ZNF536: variants seen among roughly 807,000 people sequenced by gnomAD.
ZNF536 encodes zinc finger protein 536.
Under a neutral mutation model 84.5 loss-of-function variants are expected in ZNF536, and 13 were observed. The ratio of observed to expected loss-of-function variants is 0.15; its 90% CI spans 0.10 to 0.24. The LOEUF (loss-of-function observed/expected upper bound fraction) is 0.24. Among genes scored for constraint, ZNF536 ranks in the 10% least tolerant of loss-of-function variants. The pLI, the probability that ZNF536 is intolerant of heterozygous loss-of-function variation, is 1.00. For missense variants in ZNF536, 1,536 were observed against 1,747.5 expected (o/e 0.88, Z 2.16); for synonymous variants, 811 against 742.5 (o/e 1.09, Z -1.50).
chr19:30,246,035 C>T (rs139973564), intron 1 of ZNF536, among the ~76,000 whole-genome samples: 5 of 152,184 alleles, frequency 3.3e-5, no homozygotes, highest in African/African-American at 1.2e-4. Context: ...TGGGCAGAGG[C>T]GTCGTGGAGA....
At chr19:30,346,255 C>T (rs1047159584) in intron 2 of ZNF536, among the ~76,000 whole-genome samples, 14 of 152,110 alleles carry the variant, frequency 9.2e-5, no homozygotes, top group Non-Finnish European at 1.5e-4. Context: ...AGAAGATTTC[C>T]TCGGGAAAAG....
chr19:30,538,906 C>T (rs546424716), intron 3 of ZNF536, among the ~76,000 whole-genome samples: 15 of 152,136 alleles, frequency 9.9e-5, no homozygotes, highest in African/African-American at 3.4e-4. Flanking sequence ...AGAAACAGCA[C>T]CGATAGGAAA....
intron 1 of ZNF536, among the ~76,000 whole-genome samples, chr19:30,700,294 CTCCT>C (rs1176895190): frequency 6.8e-6 from 1 of 147,016 alleles, no homozygotes; most frequent in Non-Finnish European, 1.5e-5. Flanking sequence ...CTCTCCCTCC[CTCCT>C]TCCCTCTCCC....
intron 2 of ZNF536, among the ~76,000 whole-genome samples, chr19:30,516,934 C>G (rs2044103818): frequency 6.6e-6 from 1 of 152,156 alleles, no homozygotes; most frequent in Non-Finnish European, 1.5e-5. Flanking sequence ...GGTGTGGTGA[C>G]AGATCCCAAG....
chr19:30,480,954 G>A (rs541450261), intron 2 of ZNF536, among the ~76,000 whole-genome samples: 7 of 151,642 alleles, frequency 4.6e-5, no homozygotes, highest in Admixed American at 3.3e-4. Context: ...AGAGTCGCCC[G>A]GGAGGCGGAG....
At chr19:30,327,887 A>G (rs1204333792) in intron 2 of ZNF536, among the ~76,000 whole-genome samples, 1 of 152,190 alleles carries the variant, frequency 6.6e-6, no homozygotes, top group Non-Finnish European at 1.5e-5. Context: ...TTAAGGTTGG[A>G]GAACGGGGTT....
chr19:30,711,557 TG>T (rs1317801156), exon 2 of ZNF536: 2 of 152,166 alleles, frequency 1.3e-5, no homozygotes, highest in African/African-American at 4.8e-5. Context: ...ACTGCACTCT[TG>T]GAGAAACCTT....
intron 1 of ZNF536, among the ~76,000 whole-genome samples, chr19:30,248,383 C>T (rs1414628017): frequency 6.8e-6 from 1 of 146,674 alleles, no homozygotes; most frequent in Non-Finnish European, 1.5e-5. Flanking sequence ...ACACCTGCCA[C>T]CATGCCCTGC....
rs149249213 is a variant in ZNF536 at position 30,296,594 on chromosome 19, G to A, written c.-120+12453G>A. ...GGGCTCAGGTCCTGTTTCTGTGGCTGCCATCTCTAACCATGGAAGGCTGGC... is the reference window on the plus strand; with the variant it reads ...GGGCTCAGGTCCTGTTTCTGTGGCTACCATCTCTAACCATGGAAGGCTGGC... On this transcript the variant is annotated intron_variant, in intron 2 of 5. Transcript: ENST00000585628. Among the ~76,000 whole-genome samples the A allele has an allele frequency of 1.4e-3, 214 of 152,298 alleles. 2 individuals are homozygous for A. Among genetic ancestry groups the A allele is most frequent in the Non-Finnish European group, 1.4e-3 (98 of 68,020 alleles).
chr19:30,319,329 A>T (rs1216185898), intron 2 of ZNF536, among the ~76,000 whole-genome samples: 1 of 152,316 alleles, frequency 6.6e-6, no homozygotes, highest in East Asian at 1.9e-4. Context: ...TAATTTTTTT[A>T]AAACAAATAA....
At chr19:30,470,884 C>T (rs145730846) in intron 2 of ZNF536, among the ~76,000 whole-genome samples, 10,241 of 151,922 alleles carry the variant, frequency 0.067, 478 homozygotes, top group Non-Finnish European at 0.098. Context: ...GATGGGGTTT[C>T]ACCATGTTGT....
intron 1 of ZNF536, among the ~76,000 whole-genome samples, chr19:30,401,855 T>C (rs1178669843): frequency 1.3e-5 from 2 of 152,224 alleles, no homozygotes; most frequent in Non-Finnish European, 2.9e-5. Context: ...TATGGGGTTA[T>C]TTTTATCTTT....
intron 1 of ZNF536, among the ~76,000 whole-genome samples, chr19:30,606,229 TAATAAAATAAAATAA>T (rs368491547): frequency 2.1e-5 from 2 of 94,164 alleles, no homozygotes; most frequent in African/African-American, 4.5e-5. Flanking sequence ...TAAAATAAAA[TAATAAAATAAAATAA>T]AATAAAATAA....
At chr19:30,342,659 C>T (rs574255348) in intron 2 of ZNF536, among the ~76,000 whole-genome samples, 1 of 152,238 alleles carries the variant, frequency 6.6e-6, no homozygotes, top group Middle Eastern at 3.4e-3. Context: ...GTTGTAACTA[C>T]CCAGCCTGGG....
In ZNF536 at chr19:30,448,136, A is replaced by G. The variant is rs897478298; in HGVS notation, c.2170+2404A>G. 8.5e-4 allele frequency among the ~76,000 whole-genome samples: 130 copies of G among 152,216 alleles called. 6 individuals carry two copies. Among genetic ancestry groups the G allele is most frequent in the Non-Finnish European group, 5.9e-5 (4 of 68,048 alleles). ...TCATTGAAGTATTTTACAATTGTGA[A>G]TACTGATTCTTTCATTTCTGGTTGA... On this transcript the variant is annotated intron_variant, in intron 2 of 4. Transcript: ENST00000355537.
At chr19:30,463,993 T>C (rs1225852372) in intron 2 of ZNF536, among the ~76,000 whole-genome samples, 1 of 152,238 alleles carries the variant, frequency 6.6e-6, no homozygotes. Context: ...GAGGCGGCTC[T>C]AGGAGTAGCT....
chr19:30,648,053 C>G lies in ZNF536; in HGVS notation c.170-62704C>G, dbSNP rs187896527. 9.2e-5 allele frequency among the ~76,000 whole-genome samples: 14 copies of G among 152,338 alleles called. 1 individual carries two copies. In the East Asian group the frequency reaches 2.3e-3, roughly 25 times the overall value. On this transcript the variant is annotated intron_variant, in intron 1 of 1. Transcript: ENST00000592773. ...CACACCTGAGGGATGCATCGGTTCTCCTATGGCTCGCTCCCCTTCAGGCTG... is the reference window on the plus strand; with the variant it reads ...CACACCTGAGGGATGCATCGGTTCTGCTATGGCTCGCTCCCCTTCAGGCTG...
chr19:30,293,190 G>A (rs757790080), intron 2 of ZNF536, among the ~76,000 whole-genome samples: 7 of 152,086 alleles, frequency 4.6e-5, no homozygotes, highest in African/African-American at 7.2e-5. Context: ...CAGTGGGTTC[G>A]TTGTTACTGA....
intron 2 of ZNF536, among the ~76,000 whole-genome samples, chr19:30,511,547 A>G (rs563798940): frequency 1.3e-3 from 198 of 152,282 alleles, no homozygotes; most frequent in African/African-American, 4.6e-3. Flanking sequence ...CTCAGCCTTC[A>G]TTGTGTCTGC....
Sources: gnomAD v4.1 joint callset for allele counts (sites outside exome capture counted in the v4.1 genomes callset) on GRCh38, gnomAD v4.1.1 for gene constraint, MANE v1.5 for transcripts, NCBI Gene and HGNC (gene_info 2026-07-23, HGNC 2026-07-21) for gene names.